Variants in CDC73 observed in about 807,000 individuals in gnomAD.
CDC73 encodes cell division cycle 73.
In CDC73, 21 loss-of-function variants were observed where a neutral mutation model predicts 83.7. The observed-to-expected ratio is 0.25, with a 90% CI of 0.18 to 0.36. CDC73 has a LOEUF of 0.36. Among genes scored for constraint, CDC73 ranks in the 10% least tolerant of loss-of-function variants. The pLI, the probability that CDC73 is intolerant of heterozygous loss-of-function variation, is 1.00. For missense variants in CDC73, 342 were observed against 653.3 expected (o/e 0.52, Z 5.19); for synonymous variants, 224 against 212.9 (o/e 1.05, Z -0.45).
chr1:193,199,087 G>A (rs904247984), intron 10 of CDC73, among the ~76,000 whole-genome samples: 1 of 152,056 alleles, frequency 6.6e-6, no homozygotes, highest in Non-Finnish European at 1.5e-5. Flanking sequence ...TATGTTAATT[G>A]TTTTCTATGT....
At chr1:193,183,412 A>G (rs1321128948) in intron 10 of CDC73, among the ~76,000 whole-genome samples, 1 of 149,058 alleles carries the variant, frequency 6.7e-6, no homozygotes, top group East Asian at 1.9e-4. Context: ...TTTAAAAGCA[A>G]ATCATCTAGT....
chr1:193,253,179 T>C lies in CDC73; in HGVS notation c.*2467T>C, dbSNP rs1678071440. 1 of 232,350 alleles carries C rather than the reference T, an allele frequency of 4.3e-6. No individual in the cohort carries two copies. 14.4% of individuals were successfully genotyped at this position (232,350 alleles called of 1,614,324 possible). ...GTTGCTCTCAACCCTGACTGCATTTTAGAATCATTTGGAGAGTTTTTAAAA... is the reference window on the plus strand; with the variant it reads ...GTTGCTCTCAACCCTGACTGCATTTCAGAATCATTTGGAGAGTTTTTAAAA... On this transcript the variant is annotated 3_prime_UTR_variant, in exon 17 of 17. Transcript: ENST00000367435.
chr1:193,250,646 C>G (rs762934220), intron 16 of CDC73, 30 bp from the exon 17 acceptor site: 3 of 1,534,802 alleles, frequency 2.0e-6, no homozygotes, highest in Admixed American at 3.4e-5. Flanking sequence ...TTCCTATAGT[C>G]ATTATAACCT....
At chr1:193,219,119 C>T (rs553749784) in intron 13 of CDC73, among the ~76,000 whole-genome samples, 3 of 152,150 alleles carry the variant, frequency 2.0e-5, no homozygotes, top group Non-Finnish European at 4.4e-5. Flanking sequence ...ACATGGCCAA[C>T]AAACATAGGA....
At chr1:193,235,709 A>T (rs1172531724) in intron 14 of CDC73, among the ~76,000 whole-genome samples, 2 of 152,208 alleles carry the variant, frequency 1.3e-5, no homozygotes, top group African/African-American at 4.8e-5. Flanking sequence ...AACAATTGCA[A>T]AAATTATAAA....
At chr1:193,143,623 A>G (rs1675944482) in intron 7 of CDC73, among the ~76,000 whole-genome samples, 1 of 152,234 alleles carries the variant, frequency 6.6e-6, no homozygotes, top group Non-Finnish European at 1.5e-5. Flanking sequence ...TAGTATTAAA[A>G]AATAAAAAAT....
At chr1:193,241,229 T>C (rs1048863551) in intron 15 of CDC73, among the ~76,000 whole-genome samples, 6 of 152,210 alleles carry the variant, frequency 3.9e-5, no homozygotes, top group Non-Finnish European at 7.3e-5. Context: ...ACTTTGGCTT[T>C]GGTTCTTCAT....
At chr1:193,217,495 G>A (rs1677390778) in intron 13 of CDC73, among the ~76,000 whole-genome samples, 1 of 152,114 alleles carries the variant, frequency 6.6e-6, no homozygotes, top group Admixed American at 6.5e-5. Context: ...GCCAGACCCT[G>A]CGTCATTCTG....
chr1:193,134,677 A>AT (rs951158556), intron 3 of CDC73, among the ~76,000 whole-genome samples: 5 of 152,236 alleles, frequency 3.3e-5, no homozygotes, highest in African/African-American at 4.8e-5. Flanking sequence ...TCAAAAAAAA[A>AT]GTAAAGGAAA....
At chr1:193,246,754 A>G (rs989259202) in intron 15 of CDC73, among the ~76,000 whole-genome samples, 1 of 152,144 alleles carries the variant, frequency 6.6e-6, no homozygotes, top group African/African-American at 2.4e-5. Context: ...ATTATTCTCT[A>G]CTAAATACTT....
At chr1:193,168,600 C>G (rs184844858) in intron 10 of CDC73, among the ~76,000 whole-genome samples, 1 of 151,838 alleles carries the variant, frequency 6.6e-6, no homozygotes, top group Admixed American at 6.5e-5. Flanking sequence ...TCTTGCCTCA[C>G]TGCACCCTCC....
At chr1:193,226,548 G>T (rs566613959) in intron 13 of CDC73, among the ~76,000 whole-genome samples, 2 of 152,256 alleles carry the variant, frequency 1.3e-5, no homozygotes, top group African/African-American at 4.8e-5. Flanking sequence ...GATGTTGTCA[G>T]ATGCTTTTTC....
At chr1:193,180,220 G>T in intron 10 of CDC73, 3 of 1,300,848 alleles carry the variant, frequency 2.3e-6, no homozygotes, top group Non-Finnish European at 2.1e-6. Context: ...TTGTCCTACG[G>T]ATGTAATCAG....
chr1:193,163,046 A>T (rs1304317019), intron 10 of CDC73, among the ~76,000 whole-genome samples: 1 of 152,130 alleles, frequency 6.6e-6, no homozygotes, highest in African/African-American at 2.4e-5. Context: ...AAGGTATTTC[A>T]CAATATCCTT....
At position 193,212,428 on chromosome 1, in the gene CDC73, A is replaced by G. The variant is rs762532730; in HGVS notation, c.1105A>G (p.Thr369Ala). The G allele has an allele frequency of 1.2e-6, 2 of 1,607,774 alleles. No homozygotes were observed. The highest frequency in any genetic ancestry group is 2.2e-5 in the East Asian group (1 of 44,648). Reference protein sequence around the residue: ...TPIIIIPAATTSLITMLNAKD... With the variant: ...TPIIIIPAATASLITMLNAKD... ...CATTATCATAATTCCTGCAGCTACC[A>G]CCTCTTTAATAACCATGCTTAATGC... The change falls in exon 13 of 17, where the codon ACC becomes GCC. Residue 369 changes from threonine (T) to alanine (A), a missense_variant. This residue lies in a region of CDC73 where 239 missense variants were observed against 420.6 expected (regional missense o/e 0.57). Transcript: ENST00000367435.
At chr1:193,233,291 G>A in intron 14 of CDC73, 137 bp downstream of exon 14, 1 of 772,980 alleles carries the variant, frequency 1.3e-6, no homozygotes, top group African/African-American at 1.7e-5. Flanking sequence ...GAACTCCTGG[G>A]CTCTGTCAGT....
At chr1:193,191,296 TTATGTA>T (rs935392713) in intron 10 of CDC73, among the ~76,000 whole-genome samples, 1 of 152,212 alleles carries the variant, frequency 6.6e-6, no homozygotes, top group Non-Finnish European at 1.5e-5. Context: ...CACTATGACT[TTATGTA>T]TAGGTATTAG....
At chr1:193,205,765 C>G (rs1251271992) in intron 11 of CDC73, among the ~76,000 whole-genome samples, 2 of 151,910 alleles carry the variant, frequency 1.3e-5, no homozygotes, top group African/African-American at 4.8e-5. Flanking sequence ...AGGCTCTTGT[C>G]CAGAAACTAA....
chr1:193,197,401 T>C (rs1368954124), intron 10 of CDC73, among the ~76,000 whole-genome samples: 2 of 152,206 alleles, frequency 1.3e-5, no homozygotes, highest in African/African-American at 4.8e-5. Flanking sequence ...TTAACAGTTA[T>C]TAGTCCAACT....
Sources: gnomAD v4.1 joint callset for allele counts (sites outside exome capture counted in the v4.1 genomes callset) on GRCh38, gnomAD v4.1.1 for gene constraint, gnomAD v4.1.1 regional missense constraint, MANE v1.5 for transcripts, NCBI Gene and HGNC (gene_info 2026-07-23, HGNC 2026-07-21) for gene names.